The following FAM83C variants were observed in gnomAD, a reference collection of about 807,000 sequenced individuals.
The protein encoded by FAM83C is scaffolding CK1 anchoring protein C.
Under a neutral mutation model 27.1 loss-of-function variants are expected in FAM83C, and 23 were observed. That is an observed-to-expected ratio of 0.85 (90% confidence interval 0.61 to 1.20). The LOEUF is 1.20. Ranked by LOEUF, FAM83C falls within the 50% of genes most tolerant of loss-of-function variation. The pLI is 0.00. For synonymous variants in FAM83C, 426 were observed against 423.1 expected, an observed-to-expected ratio of 1.01 and a Z score of -0.09; for missense variants, 984 against 1,001.3, an observed-to-expected ratio of 0.98 and a Z score of 0.23.
intron 3 of FAM83C, 103 bp downstream of exon 3, chr20:35,288,358 G>A: frequency 6.4e-7 from 1 of 1,553,012 alleles, no homozygotes; most frequent in Non-Finnish European, 8.7e-7. Context: ...CACATGGCAG[G>A]TACTCAGCCC....
intron 1 of FAM83C, among the ~76,000 whole-genome samples, chr20:35,290,255 C>A (rs1057411996): frequency 6.6e-6 from 1 of 152,222 alleles, no homozygotes; most frequent in Non-Finnish European, 1.5e-5. Flanking sequence ...GCCCCTGAAA[C>A]CTTCTTGGCA....
At position 35,287,479 on chromosome 20, in the gene FAM83C, T is replaced by C; in HGVS notation, c.1300A>G (p.Thr434Ala). The change falls in exon 4 of 4, where the codon ACC becomes GCC. Residue 434 changes from threonine (T) to alanine (A), a missense_variant. Coordinates refer to ENST00000374408, the MANE Select transcript of FAM83C (RefSeq NM_178468.6). ...CCCACTGCCAAGGTTAAGGGGCTGG[T>C]ACTATTATGGTTGAGGGCAGGGGAG... The part of the protein sequence containing the change: ...QSSPALNHNS[T>A]SPLTLAVGSP... 2 of 1,614,098 alleles carry C rather than the reference T, an allele frequency of 1.2e-6. No homozygotes were observed. Among genetic ancestry groups the C allele is most frequent in the South Asian group, 2.2e-5 (2 of 91,086 alleles).
chr20:35,292,412 G>T lies in FAM83C; in HGVS notation c.-108C>A, dbSNP rs1259086905. ...AGAACCGCCTTCTGCCCGCCCGCTC[G>T]CTGTGTGTGTGGCAGGGCCCCCAAA... is the stretch of plus-strand genomic sequence containing the variant. On this transcript the variant is annotated 5_prime_UTR_variant, in exon 1 of 4. Transcript: ENST00000374408. The T allele has an allele frequency of 7.2e-6, 10 of 1,397,866 alleles. No individual in the cohort carries two copies. In the Admixed American group the frequency reaches 1.2e-4, roughly 16 times the overall value. 86.6% of individuals were successfully genotyped at this position (1,397,866 alleles called of 1,614,324 possible).
chr20:35,286,966 C>A lies in FAM83C; in HGVS notation c.1813G>T (p.Gly605Cys), dbSNP rs761832618. The change falls in exon 4 of 4, where the codon GGT (glycine) becomes TGT (cysteine). Residue 605 changes from glycine (G) to cysteine (C), a missense_variant. Physicochemically the swap from Gly to Cys is radical, Grantham distance 159. Coordinates refer to ENST00000374408, the MANE Select transcript of FAM83C (RefSeq NM_178468.6). ...TTGGTTTCAAGGGGCACTCTGGAAC[C>A]CTGGGCCTTGGGGTACTGCATCAGG... ...DLLMQYPKAQ[G>C]SRVPLETNSS... 4 of 1,613,330 alleles carry A rather than the reference C, an allele frequency of 2.5e-6. No homozygotes were observed. In the East Asian group the frequency reaches 8.9e-5, roughly 36 times the overall value.
intron 2 of FAM83C, 31 bp downstream of exon 2, chr20:35,288,760 C>G (rs984417353): frequency 1.3e-6 from 2 of 1,587,370 alleles, no homozygotes; most frequent in Admixed American, 1.7e-5. Flanking sequence ...CCCGCCCACA[C>G]CCCTGGTTAC....
Position 35,286,938 on chromosome 20 carries a change from G to T in FAM83C, c.1841C>A (p.Ser614Tyr), listed in dbSNP as rs2060828775. Residue 614 changes from serine to tyrosine, a missense_variant, in exon 4 of 4, where the codon TCC becomes TAC. Ser to Tyr is a moderately radical substitution (Grantham distance 144, BLOSUM62 -2). Coordinates refer to ENST00000374408, the MANE Select transcript of FAM83C (RefSeq NM_178468.6). ...QGSRVPLETN[S>Y]SARPARRAPD... Reference sequence around the variant, plus strand: ...TGCCCGTCTGGCAGGTCTGGCTGAGGAGTTGGTTTCAAGGGGCACTCTGGA... The same window carrying T: ...TGCCCGTCTGGCAGGTCTGGCTGAGTAGTTGGTTTCAAGGGGCACTCTGGA... The T allele has an allele frequency of 6.2e-7, 1 of 1,614,010 alleles. No individual in the cohort carries two copies. Among genetic ancestry groups the T allele is most frequent in the Non-Finnish European group, 8.5e-7 (1 of 1,180,046 alleles).
In FAM83C at chr20:35,287,176, G is replaced by A. The variant is rs199571076; in HGVS notation, c.1603C>T (p.Arg535Trp). 7.6e-5 allele frequency: 122 copies of A among 1,608,368 alleles called. No homozygotes were observed. Among genetic ancestry groups the A allele is most frequent in the Non-Finnish European group, 9.2e-5 (108 of 1,179,652 alleles). Residue 535 changes from arginine (R) to tryptophan (W), a missense_variant, in exon 4 of 4, where the codon CGG becomes TGG. Arg to Trp is a moderately radical substitution (Grantham distance 101). Coordinates refer to ENST00000374408, the MANE Select transcript of FAM83C (RefSeq NM_178468.6). ...SGVTPNSGPL[R>W]PGEQAPEDRR... ...TCCTCTGGGGCCTGCTCGCCAGGCCGAAGGGGGCCTGAGTTGGGGGTAACC... is the reference window on the plus strand; with the variant it reads ...TCCTCTGGGGCCTGCTCGCCAGGCCAAAGGGGGCCTGAGTTGGGGGTAACC...
rs891593201 is a variant in FAM83C, at chr20:35,286,594, G to C, written c.2185C>G (p.Leu729Val). ...TTGGACTTGTTGTACTTAGTGATGAGGTCCAGTTTGCTGTGACCCAGGGTC... is the reference window on the plus strand; with the variant it reads ...TTGGACTTGTTGTACTTAGTGATGACGTCCAGTTTGCTGTGACCCAGGGTC... ...RLTLGHSKLD[L>V]ITKYNKSKFK... The change falls in exon 4 of 4, where the codon CTC (leucine) becomes GTC (valine). Residue 729 changes from leucine to valine, a missense_variant. Transcript: ENST00000374408. 4 of 1,614,110 alleles carry C rather than the reference G, an allele frequency of 2.5e-6. No individual in the cohort carries two copies. The highest frequency in any genetic ancestry group is 3.4e-6 in the Non-Finnish European group (4 of 1,180,020).
Position 35,286,972 on chromosome 20 carries a change from C to T in FAM83C, c.1807G>A (p.Ala603Thr). Residue 603 changes from alanine (A) to threonine (T), a missense_variant, in exon 4 of 4, where the codon GCC (alanine) becomes ACC (threonine). Ala to Thr is a moderately conservative substitution (Grantham distance 58). Coordinates refer to ENST00000374408, the MANE Select transcript of FAM83C (RefSeq NM_178468.6). Reference sequence around the variant, plus strand: ...TCAAGGGGCACTCTGGAACCCTGGGCCTTGGGGTACTGCATCAGGAGGTCT... The same window carrying T: ...TCAAGGGGCACTCTGGAACCCTGGGTCTTGGGGTACTGCATCAGGAGGTCT... The part of the protein sequence containing the change: ...QSDLLMQYPK[A>T]QGSRVPLETN... 6.2e-7 allele frequency: 1 copy of T among 1,612,918 alleles called. No homozygotes were observed. Among genetic ancestry groups the T allele is most frequent in the African/African-American group, 1.3e-5 (1 of 75,070 alleles).
At position 35,292,169 on chromosome 20, in the gene FAM83C, G is replaced by C. The variant is rs777525868; in HGVS notation, c.136C>G (p.Arg46Gly). ...PLVLRHSEAA[R>G]LAADALLERG... ...TCCAGGAGGGCGTCGGCCGCCAGCC[G>C]AGCCGCCTCGCTGTGCCGCAGCACC... is the stretch of plus-strand genomic sequence containing the variant. The change falls in exon 1 of 4, where the codon CGG becomes GGG. Residue 46 changes from arginine (R) to glycine (G), a missense_variant. Arg to Gly is a moderately radical substitution (Grantham distance 125). Coordinates refer to ENST00000374408, the MANE Select transcript of FAM83C (RefSeq NM_178468.6). 1.3e-6 allele frequency: 2 copies of C among 1,597,052 alleles called. No individual in the cohort carries two copies. The highest frequency in any genetic ancestry group is 1.3e-5 in the African/African-American group (1 of 74,900).
chr20:35,288,665 A>G, intron 2 of FAM83C, 80 bp from the exon 3 acceptor site: 1 of 1,578,862 alleles, frequency 6.3e-7, no homozygotes, highest in Non-Finnish European at 8.6e-7. Flanking sequence ...CTCTAACCCC[A>G]GACAGCTAAG....
Position 35,287,888 on chromosome 20 carries a change from G to A in FAM83C, c.891C>T (p.Phe297=), listed in dbSNP as rs757762052. The A allele has an allele frequency of 3.8e-6, 6 of 1,558,928 alleles. No homozygotes were observed. Among genetic ancestry groups the A allele is most frequent in the Non-Finnish European group, 5.2e-6 (6 of 1,150,750 alleles). ...GRIVEDFDRE[F]RCLYAESQPV... Reference sequence around the variant, plus strand: ...GCTGCGACTCAGCGTACAGACAGCGGAACTCCCGGTCAAAGTCTTCCACGA... The same window carrying A: ...GCTGCGACTCAGCGTACAGACAGCGAAACTCCCGGTCAAAGTCTTCCACGA... Residue 297 remains phenylalanine (F), a synonymous_variant, in exon 4 of 4, where the codon TTC becomes TTT. Transcript: ENST00000374408.
intron 3 of FAM83C, 123 bp downstream of exon 3, chr20:35,288,338 T>C (rs1282238284): frequency 3.3e-6 from 5 of 1,519,924 alleles, no homozygotes; most frequent in Admixed American, 3.8e-5. Context: ...GAGCCTGGCA[T>C]GATGCCTGGC....
rs765547645 is a variant in FAM83C, at chr20:35,292,298, C to T, written c.7G>A (p.Gly3Arg). 7 of 1,511,630 alleles carry T rather than the reference C, an allele frequency of 4.6e-6. No homozygotes were observed. The highest frequency in any genetic ancestry group is 4.9e-5 in the East Asian group (2 of 41,212). The allele number at this position is 1,511,630 out of a possible 1,614,324, so 93.6% of individuals were successfully genotyped here. The change falls in exon 1 of 4, where the codon GGA becomes AGA. Residue 3 changes from glycine to arginine, a missense_variant. By Grantham distance (125) the Gly-to-Arg change is moderately radical. Coordinates refer to ENST00000374408, the MANE Select transcript of FAM83C (RefSeq NM_178468.6). Reference sequence around the variant, plus strand: ...CCCAGGACCCCAGGCCCCGGGCCTCCGAACATGCCTGCCACGCGGCTGCCT... The same window carrying T: ...CCCAGGACCCCAGGCCCCGGGCCTCTGAACATGCCTGCCACGCGGCTGCCT... MF[G>R]GPGPGVLGAQ...
Position 35,286,993 on chromosome 20 carries a change from G to A in FAM83C, c.1786C>T (p.Leu596Phe), listed in dbSNP as rs149826933. Residue 596 changes from leucine to phenylalanine, a missense_variant, in exon 4 of 4, where the codon CTC (leucine) becomes TTC (phenylalanine). Coordinates refer to ENST00000374408, the MANE Select transcript of FAM83C (RefSeq NM_178468.6). ...SLNQSRGQSD[L>F]LMQYPKAQGS... is the part of the protein sequence containing the mutation. ...TGGGCCTTGGGGTACTGCATCAGGA[G>A]GTCTGATTGGCCACGGCTTTGGTTT... 23 of 1,611,068 alleles carry A rather than the reference G, an allele frequency of 1.4e-5. No individual in the cohort carries two copies. In the African/African-American group the frequency reaches 2.5e-4, roughly 18 times the overall value.
rs1285245467 is a variant in FAM83C, at chr20:35,292,164, C to T, written c.141G>A (p.Leu47=). 11 of 1,597,600 alleles carry T rather than the reference C, an allele frequency of 6.9e-6. No individual in the cohort carries two copies. Among genetic ancestry groups the T allele is most frequent in the Non-Finnish European group, 9.3e-6 (11 of 1,179,188 alleles). Residue 47 remains leucine, a synonymous_variant, in exon 1 of 4, where the codon CTG becomes CTA. Transcript: ENST00000374408. ...CCCGCTCCAGGAGGGCGTCGGCCGC[C>T]AGCCGAGCCGCCTCGCTGTGCCGCA... ...LVLRHSEAAR[L]AADALLERGE...
Position 35,288,811 on chromosome 20 carries a change from G to A in FAM83C, c.661C>T (p.Leu221Phe), listed in dbSNP as rs1438666725. The change falls in exon 2 of 4, where the codon CTC becomes TTC. Residue 221 changes from leucine (L) to phenylalanine (F), a missense_variant. Physicochemically the swap from Leu to Phe is conservative, Grantham distance 22. Coordinates refer to ENST00000374408, the MANE Select transcript of FAM83C (RefSeq NM_178468.6). ...CTGACCGGCAGGTGCTCCCCATTGA[G>A]GTCCATCTTGTAGCACATCTCCAGG... ...HFLEMCYKMD[L>F]NGEHLPNMRV... The A allele has an allele frequency of 1.9e-6, 3 of 1,612,864 alleles. No homozygotes were observed. The East Asian group carries it at 6.7e-5, about 36-fold the overall frequency.
chr20:35,288,699 GC>G, intron 2 of FAM83C, 91 bp downstream of exon 2: 1 of 1,538,414 alleles, frequency 6.5e-7, no homozygotes, highest in Non-Finnish European at 8.8e-7. Flanking sequence ...CACTCCCAGT[GC>G]CCCCCAGTGC....
chr20:35,292,326 C>G lies in FAM83C; in HGVS notation c.-22G>C. ...ACATGCCTGCCACGCGGCTGCCTCACCCGCCGGCAGGGCCCATGGCCCGCA... is the reference window on the plus strand; with the variant it reads ...ACATGCCTGCCACGCGGCTGCCTCAGCCGCCGGCAGGGCCCATGGCCCGCA... On this transcript the variant is annotated 5_prime_UTR_variant, in exon 1 of 4. Coordinates refer to ENST00000374408, the MANE Select transcript of FAM83C (RefSeq NM_178468.6). 2 of 1,464,202 alleles carry G rather than the reference C, an allele frequency of 1.4e-6. No individual in the cohort carries two copies. The highest frequency in any genetic ancestry group is 2.8e-5 in the South Asian group (2 of 72,168). The allele number at this position is 1,464,202 out of a possible 1,614,324, so 90.7% of individuals were successfully genotyped here.
Sources: gnomAD v4.1 joint callset for allele counts (sites outside exome capture counted in the v4.1 genomes callset) on GRCh38, gnomAD v4.1.1 for gene constraint, MANE v1.5 for transcripts, NCBI Gene and HGNC (gene_info 2026-07-23, HGNC 2026-07-21) for gene names.